The following PARD3B variants were observed in gnomAD, a reference collection of about 807,000 sequenced individuals.
PARD3B encodes the protein partitioning defective 3 homolog B.
Under a neutral mutation model 130.2 loss-of-function variants are expected in PARD3B, and 103 were observed. The observed-to-expected ratio is 0.79, with a 90% CI of 0.67 to 0.93. PARD3B has a LOEUF of 0.93. Among genes scored for constraint, PARD3B ranks in the 40% least tolerant of loss-of-function variants. The pLI is 0.00. For missense variants in PARD3B, 1,609 were observed against 1,499.2 expected (o/e 1.07, Z -1.21); for synonymous variants, 583 against 553.2 (o/e 1.05, Z -0.76).
rs201101801 is a variant in PARD3B at position 204,793,960 on chromosome 2, C to CT, written c.222+107679dup. On this transcript the variant is annotated intron_variant, in intron 2 of 22. Coordinates refer to ENST00000406610, the MANE Select transcript of PARD3B (RefSeq NM_001302769.2). Reference sequence around the variant, plus strand: ...AGTATTACAAATCATAACTTTTTTTCTGGCACTTTATTATAGGGCCTTGGA... The same window carrying CT: ...AGTATTACAAATCATAACTTTTTTTCTTGGCACTTTATTATAGGGCCTTGGA... 9.5e-3 allele frequency among the ~76,000 whole-genome samples: 1,445 copies of CT among 152,216 alleles called. 7 individuals carry two copies. The highest frequency in any genetic ancestry group is 0.032 in the South Asian group (154 of 4,830).
chr2:205,419,941 T>G (rs2046909286), intron 19 of PARD3B, among the ~76,000 whole-genome samples: 1 of 152,212 alleles, frequency 6.6e-6, no homozygotes, highest in Non-Finnish European at 1.5e-5. Context: ...TCAGTGAATG[T>G]GGCTAAAGCA....
At chr2:205,398,973 A>G (rs535116410) in intron 18 of PARD3B, among the ~76,000 whole-genome samples, 1 of 152,298 alleles carries the variant, frequency 6.6e-6, no homozygotes, top group South Asian at 2.1e-4. Context: ...TATAATTTGA[A>G]AAAGTCTAAG....
intron 13 of PARD3B, among the ~76,000 whole-genome samples, chr2:205,180,633 C>T (rs2035736531): frequency 6.6e-6 from 1 of 151,072 alleles, no homozygotes; most frequent in Admixed American, 6.6e-5. Flanking sequence ...ATTTAAGAAT[C>T]CAATGTTGAT....
At chr2:205,156,951 T>C (rs781460079) in intron 10 of PARD3B, among the ~76,000 whole-genome samples, 5 of 152,148 alleles carry the variant, frequency 3.3e-5, no homozygotes, top group Non-Finnish European at 5.9e-5. Flanking sequence ...TTAAATATAA[T>C]TGCCAAAAGA....
chr2:204,622,360 A>G (rs1361486130), intron 1 of PARD3B, among the ~76,000 whole-genome samples: 8 of 151,990 alleles, frequency 5.3e-5, no homozygotes, highest in Non-Finnish European at 1.2e-4. Flanking sequence ...CTCCCACGAT[A>G]CCCTCATTGT....
chr2:204,984,916 C>T (rs930439633), intron 3 of PARD3B, among the ~76,000 whole-genome samples: 1 of 151,872 alleles, frequency 6.6e-6, no homozygotes, highest in Non-Finnish European at 1.5e-5. Flanking sequence ...CCCACCCCCC[C>T]GCACCCCACC....
intron 2 of PARD3B, among the ~76,000 whole-genome samples, chr2:204,836,600 T>C (rs935110283): frequency 1.3e-5 from 2 of 152,124 alleles, no homozygotes; most frequent in African/African-American, 4.8e-5. Flanking sequence ...GAGGCGGAAG[T>C]TGGTGCGCCA....
At chr2:205,522,338 A>C (rs2051108669) in intron 21 of PARD3B, among the ~76,000 whole-genome samples, 1 of 150,664 alleles carries the variant, frequency 6.6e-6, no homozygotes, top group Non-Finnish European at 1.5e-5. Flanking sequence ...TTTGATCAAG[A>C]ATGATTTATA....
At chr2:204,698,277 AC>A (rs2037713468) in intron 2 of PARD3B, among the ~76,000 whole-genome samples, 1 of 151,494 alleles carries the variant, frequency 6.6e-6, no homozygotes, top group Non-Finnish European at 1.5e-5. Context: ...ATTTGTCCTA[AC>A]CTCTTTCAGT....
At chr2:204,818,925 G>A (rs1037497278) in intron 2 of PARD3B, among the ~76,000 whole-genome samples, 1 of 152,094 alleles carries the variant, frequency 6.6e-6, no homozygotes, top group African/African-American at 2.4e-5. Flanking sequence ...GTTGAAGTGC[G>A]TTTTGGAACA....
At chr2:204,709,734 TC>T (rs1462163150) in intron 2 of PARD3B, among the ~76,000 whole-genome samples, 2 of 152,186 alleles carry the variant, frequency 1.3e-5, no homozygotes, top group Admixed American at 6.5e-5. Flanking sequence ...GTAACCAAAA[TC>T]AGGCCAACAA....
intron 10 of PARD3B, among the ~76,000 whole-genome samples, chr2:205,151,624 G>C (rs1323869047): frequency 6.6e-6 from 1 of 152,028 alleles, no homozygotes; most frequent in African/African-American, 2.4e-5. Flanking sequence ...TTTTCCATTT[G>C]CTTGGTAGAT....
chr2:205,541,806 T>G (rs959752085), intron 21 of PARD3B, among the ~76,000 whole-genome samples: 1 of 151,964 alleles, frequency 6.6e-6, no homozygotes, highest in African/African-American at 2.4e-5. Flanking sequence ...TAGGCAGAGC[T>G]ACCAAAACTG....
At chr2:205,043,509 A>G (rs1315272566) in intron 3 of PARD3B, among the ~76,000 whole-genome samples, 1 of 152,278 alleles carries the variant, frequency 6.6e-6, no homozygotes, top group East Asian at 1.9e-4. Context: ...TCCAAAACCC[A>G]GGGTCCTCTC....
chr2:205,097,635 T>C (rs568742692), intron 4 of PARD3B, among the ~76,000 whole-genome samples: 2 of 152,300 alleles, frequency 1.3e-5, no homozygotes, highest in South Asian at 2.1e-4. Flanking sequence ...ACTTCAAGCA[T>C]TGAGTGCGGG....
intron 3 of PARD3B, among the ~76,000 whole-genome samples, chr2:205,006,687 A>G (rs1030267861): frequency 6.6e-6 from 1 of 151,926 alleles, no homozygotes; most frequent in African/African-American, 2.4e-5. Flanking sequence ...GATTTGTCTG[A>G]GTTCCTTGTA....
At position 205,292,330 on chromosome 2, in the gene PARD3B, A is replaced by G. The variant is rs1343276359; in HGVS notation, c.2186-8200A>G. On this transcript the variant is annotated intron_variant, in intron 16 of 22. Transcript: ENST00000406610. This position sits in a 1 kb window ranked among gnomAD's most constrained non-coding sequence, Gnocchi z 5.3. ...GGACACAATGAGAACACAGGCATCC[A>G]TGGACCAGGAAGCAGGCCCTCACCA... is the stretch of plus-strand genomic sequence containing the variant. Among the ~76,000 whole-genome samples the G allele has an allele frequency of 1.3e-5, 2 of 152,148 alleles. No individual in the cohort carries two copies. The highest frequency in any genetic ancestry group is 3.9e-4 in the East Asian group (2 of 5,182).
intron 21 of PARD3B, among the ~76,000 whole-genome samples, chr2:205,542,725 ACT>A (rs2052211720): frequency 1.3e-5 from 2 of 152,132 alleles, no homozygotes; most frequent in South Asian, 4.1e-4. Context: ...GTCCACTGTT[ACT>A]CTGAGCTTAT....
chr2:204,990,291 G>A lies in PARD3B; in HGVS notation c.394+24968G>A, dbSNP rs1182566027. On this transcript the variant is annotated intron_variant, in intron 3 of 22. Coordinates refer to ENST00000406610, the MANE Select transcript of PARD3B (RefSeq NM_001302769.2). ...TTTTTTTTACTGATAATAATTGTAC[G>A]TATTTTTGGAGTACATGTGATATTT... 4.0e-5 allele frequency among the ~76,000 whole-genome samples: 6 copies of A among 150,914 alleles called. No homozygotes were observed. In the South Asian group the frequency reaches 8.4e-4, roughly 21 times the overall value.
Sources: gnomAD v4.1 joint callset for allele counts (sites outside exome capture counted in the v4.1 genomes callset) on GRCh38, gnomAD v4.1.1 for gene constraint, Gnocchi (gnomAD v3.1) non-coding constraint, MANE v1.5 for transcripts, NCBI Gene and HGNC (gene_info 2026-07-23, HGNC 2026-07-21) for gene names.